TMEM69: variants seen among roughly 807,000 people sequenced by gnomAD.
TMEM69 encodes the protein transmembrane protein 69.
TMEM69 carries 17 observed loss-of-function variants against 15.8 expected under a neutral mutation model. The observed-to-expected ratio is 1.07, with a 90% CI of 0.73 to 1.61. The LOEUF (loss-of-function observed/expected upper bound fraction) is 1.61, where lower values mean the gene tolerates loss of function less well. Among genes scored for constraint, TMEM69 ranks in the 40% most tolerant of loss-of-function variants. TMEM69 has a pLI of 0.00. For missense variants in TMEM69, 230 were observed against 286.1 expected (o/e 0.80, Z 1.41); for synonymous variants, 80 against 98.6 (o/e 0.81, Z 1.12).
At chr1:45,693,173 A>G in intron 2 of TMEM69, 31 bp from the exon 3 acceptor site, 1 of 1,473,518 alleles carries the variant, frequency 6.8e-7, no homozygotes, top group Non-Finnish European at 9.2e-7. Context: ...TATATTTTTA[A>G]TTTTGTCTTT....
Position 45,691,225 on chromosome 1 carries a change from A to G in TMEM69, c.42+115A>G. ...CTTGTATATTCAGGTGATGGAGGGA[A>G]GAGTTAAGTAAAATACAAGTAAGTA... On this transcript the variant is annotated intron_variant, in intron 2 of 2. Transcript: ENST00000372025. The G allele has an allele frequency of 4.6e-6, 4 of 868,546 alleles. No homozygotes were observed. The Admixed American group carries it at 8.2e-5, about 18-fold the overall frequency. The allele number at this position is 868,546 out of a possible 1,614,324, so 53.8% of individuals were successfully genotyped here.
At chr1:45,691,269 G>T (rs1296159767) in intron 2 of TMEM69, among the ~76,000 whole-genome samples, 159 bp downstream of exon 2, 1 of 152,176 alleles carries the variant, frequency 6.6e-6, no homozygotes, top group African/African-American at 2.4e-5. Flanking sequence ...ATTATATCAG[G>T]CTGGGTGCAG....
At position 45,688,204 on chromosome 1, in the gene TMEM69, T is replaced by G. The variant is rs760743476; in HGVS notation, c.-167T>G. 1.3e-5 allele frequency: 2 copies of G among 152,198 alleles called. No individual in the cohort carries two copies. Among genetic ancestry groups the G allele is most frequent in the East Asian group, 1.9e-4 (1 of 5,202 alleles). The allele number at this position is 152,198 out of a possible 1,614,324, so 9.4% of individuals were successfully genotyped here. A position where few individuals can be genotyped will look rare whatever the true frequency, so the allele number is the denominator to read the frequency against. ...CCACTTGCCGGAAGTGCCTTTCCAG[T>G]GGACCTGGGCTGTTGTTGCGGTTGT... On this transcript the variant is annotated 5_prime_UTR_variant, in exon 1 of 3. Coordinates refer to ENST00000372025, the MANE Select transcript of TMEM69 (RefSeq NM_016486.4).
chr1:45,693,731 A>G lies in TMEM69; in HGVS notation c.570A>G (p.Ile190Met). Residue 190 changes from isoleucine to methionine, a missense_variant, in exon 3 of 3, where the codon ATA becomes ATG. Transcript: ENST00000372025. ...TTAGTGAAGCCATAGTCACAGTAAT[A>G]ATGGGTATGGGAGTAGCATTCCACC... ...ERLSEAIVTV[I>M]MGMGVAFHLE... 1 of 1,614,192 alleles carries G rather than the reference A, an allele frequency of 6.2e-7. No individual in the cohort carries two copies. The highest frequency in any genetic ancestry group is 8.5e-7 in the Non-Finnish European group (1 of 1,180,032).
At position 45,694,141 on chromosome 1, in the gene TMEM69, AATAT is replaced by A. The variant is rs145384782; in HGVS notation, c.*246_*249del. On this transcript the variant is annotated 3_prime_UTR_variant, in exon 3 of 3. Coordinates refer to ENST00000372025, the MANE Select transcript of TMEM69 (RefSeq NM_016486.4). Reference sequence around the variant, plus strand: ...TTACTTTTTAGTTAAAAGTTTTAAAAATATATATATATAAATACACTGTAGATAA... The same window carrying A: ...TTACTTTTTAGTTAAAAGTTTTAAAAATATATATAAATACACTGTAGATAA... The A allele has an allele frequency of 1.0e-5, 3 of 293,700 alleles. No homozygotes were observed. The highest frequency in any genetic ancestry group is 3.2e-5 in the African/African-American group (1 of 31,092). The allele number at this position is 293,700 out of a possible 1,614,324, so 18.2% of individuals were successfully genotyped here. A position where few individuals can be genotyped will look rare whatever the true frequency, so the allele number is the denominator to read the frequency against.
chr1:45,692,495 G>A (rs1376917850), intron 2 of TMEM69, among the ~76,000 whole-genome samples: 3 of 152,054 alleles, frequency 2.0e-5, no homozygotes, highest in Non-Finnish European at 4.4e-5. Flanking sequence ...TTAAGGCAAG[G>A]AAAAAAATAC....
Position 45,694,221 on chromosome 1 carries a change from C to G in TMEM69, c.*316C>G. On this transcript the variant is annotated 3_prime_UTR_variant, in exon 3 of 3. Transcript: ENST00000372025. ...TCTACTTCTGTTTGGCTTTTTTTCC[C>G]CACACCAATGGTAATTTATCTTCAC... 1 of 524,832 alleles carries G rather than the reference C, an allele frequency of 1.9e-6. No individual in the cohort carries two copies. The highest frequency in any genetic ancestry group is 1.9e-5 in the African/African-American group (1 of 51,554). 32.5% of individuals were successfully genotyped at this position (524,832 alleles called of 1,614,324 possible). A position where few individuals can be genotyped will look rare whatever the true frequency, so the allele number is the denominator to read the frequency against.
Position 45,693,631 on chromosome 1 carries a change from C to T in TMEM69, c.470C>T (p.Pro157Leu), listed in dbSNP as rs1306494552. ...CTACCAGAAGGTAGTCCAGCCAAACCAGACTACCTTAATTTAGCTAGCAGT... is the reference window on the plus strand; with the variant it reads ...CTACCAGAAGGTAGTCCAGCCAAACTAGACTACCTTAATTTAGCTAGCAGT... Reference protein sequence around the residue: ...FALPEGSPAKPDYLNLASSAA... With the variant: ...FALPEGSPAKLDYLNLASSAA... Residue 157 changes from proline (P) to leucine (L), a missense_variant, in exon 3 of 3, where the codon CCA (proline) becomes CTA (leucine). Coordinates refer to ENST00000372025, the MANE Select transcript of TMEM69 (RefSeq NM_016486.4). The T allele has an allele frequency of 3.1e-6, 5 of 1,614,054 alleles. No homozygotes were observed.
At position 45,693,431 on chromosome 1, in the gene TMEM69, A is replaced by T. The variant is rs201277896; in HGVS notation, c.270A>T (p.Leu90=). The change falls in exon 3 of 3, where the codon CTA becomes CTT. Residue 90 remains leucine, a synonymous_variant. Coordinates refer to ENST00000372025, the MANE Select transcript of TMEM69 (RefSeq NM_016486.4). The part of the protein sequence containing the change: ...LARPSSTITY[L]TDSPKPALCV... ...GACCCTCAAGCACCATCACTTACCTAACTGACAGCCCAAAGCCAGCATTAT... is the reference window on the plus strand; with the variant it reads ...GACCCTCAAGCACCATCACTTACCTTACTGACAGCCCAAAGCCAGCATTAT... 2.8e-5 allele frequency: 45 copies of T among 1,614,152 alleles called. No homozygotes were observed. In the East Asian group the frequency reaches 9.8e-4, roughly 35 times the overall value.
intron 1 of TMEM69, among the ~76,000 whole-genome samples, chr1:45,689,186 G>A (rs949599945): frequency 6.6e-6 from 1 of 152,008 alleles, no homozygotes; most frequent in Non-Finnish European, 1.5e-5. Flanking sequence ...GGGCTTACAG[G>A]AGCGAGTCAC....
chr1:45,689,963 C>G (rs1237864653), intron 1 of TMEM69, among the ~76,000 whole-genome samples: 1 of 151,992 alleles, frequency 6.6e-6, no homozygotes, highest in Non-Finnish European at 1.5e-5. Flanking sequence ...CCACTGCAGT[C>G]CAGATTGGGT....
intron 2 of TMEM69, among the ~76,000 whole-genome samples, chr1:45,692,516 C>T (rs980750855): frequency 2.0e-5 from 3 of 152,194 alleles, no homozygotes; most frequent in Non-Finnish European, 1.5e-5. Context: ...GGTCCTGGCT[C>T]TCAAGTCTAC....
rs201278828 is a variant in TMEM69, at chr1:45,693,486, G to T, written c.325G>T (p.Val109Phe). The T allele has an allele frequency of 6.2e-7, 1 of 1,614,122 alleles. No individual in the cohort carries two copies. The highest frequency in any genetic ancestry group is 1.6e-4 in the Middle Eastern group (1 of 6,062). Residue 109 changes from valine (V) to phenylalanine (F), a missense_variant, in exon 3 of 3, where the codon GTT (valine) becomes TTT (phenylalanine). Transcript: ENST00000372025. ...AACTCTGGCAGGACTAATCCCCTTC[G>T]TTGCTCCACCACTGGTCATGCTGAT... ...CVTLAGLIPF[V>F]APPLVMLMTK...
chr1:45,691,173 G>A, intron 2 of TMEM69, 63 bp downstream of exon 2: 7 of 1,503,946 alleles, frequency 4.7e-6, no homozygotes, highest in Non-Finnish European at 6.5e-6. Context: ...TAGGTCAGTA[G>A]CAGTGAAAAA....
At chr1:45,692,126 G>A (rs1055985598) in intron 2 of TMEM69, among the ~76,000 whole-genome samples, 5 of 152,158 alleles carry the variant, frequency 3.3e-5, no homozygotes, top group Admixed American at 3.3e-4. Context: ...CAGCCTGGGT[G>A]ATAGAGCAAA....
intron 2 of TMEM69, among the ~76,000 whole-genome samples, chr1:45,692,773 T>G (rs1383394193): frequency 6.6e-6 from 1 of 152,152 alleles, no homozygotes; most frequent in Non-Finnish European, 1.5e-5. Flanking sequence ...TAAAACTAAG[T>G]TGGAAGGTAG....
chr1:45,692,505 C>T (rs916081649), intron 2 of TMEM69, among the ~76,000 whole-genome samples: 5 of 152,160 alleles, frequency 3.3e-5, no homozygotes, highest in Admixed American at 6.5e-5. Flanking sequence ...GAAAAAAATA[C>T]GGTCCTGGCT....
In TMEM69 at chr1:45,689,653, A is replaced by G. The variant is rs969689473; in HGVS notation, c.-95-1321A>G. On this transcript the variant is annotated intron_variant, in intron 1 of 2. Transcript: ENST00000372025. ...GTCAGGAGATCGAGACCATCCTAACATGGTGAAACTCCGTCTCTACTAAAA... is the reference window on the plus strand; with the variant it reads ...GTCAGGAGATCGAGACCATCCTAACGTGGTGAAACTCCGTCTCTACTAAAA... 2.5e-4 allele frequency among the ~76,000 whole-genome samples: 38 copies of G among 152,126 alleles called. 2 individuals are homozygous for G. The highest frequency in any genetic ancestry group is 1.4e-3 in the Admixed American group (21 of 15,268).
At chr1:45,693,166 A>T (rs538743096) in intron 2 of TMEM69, 38 bp from the exon 3 acceptor site, 46 of 1,431,866 alleles carry the variant, frequency 3.2e-5, no homozygotes, top group Admixed American at 1.5e-4. Flanking sequence ...ACATATATAT[A>T]TTTTTAATTT....
Sources: allele counts gnomAD v4.1 joint callset (sites outside exome capture counted in the v4.1 genomes callset), GRCh38; gene constraint gnomAD v4.1.1; transcripts MANE v1.5; gene names NCBI Gene and HGNC (gene_info 2026-07-23, HGNC 2026-07-21).